NUMB: variants seen among roughly 807,000 people sequenced by gnomAD.
NUMB encodes the protein NUMB endocytic adaptor protein, also known as protein numb homolog.
A neutral mutation model predicts 59.7 loss-of-function variants in NUMB; 29 were observed. That is an observed-to-expected ratio of 0.49 (90% CI 0.36 to 0.66). The LOEUF is 0.66. Among genes scored for constraint, NUMB ranks in the 30% least tolerant of loss-of-function variants. NUMB has a pLI of 0.00. For missense variants in NUMB, 723 were observed against 822.0 expected (o/e 0.88, Z 1.47); for synonymous variants, 288 against 288.2 (o/e 1.00, Z 0.01).
At chr14:73,440,246 T>G (rs61985855) in intron 1 of NUMB, among the ~76,000 whole-genome samples, 1 of 141,892 alleles carries the variant, frequency 7.0e-6, no homozygotes, top group Non-Finnish European at 1.5e-5. Context: ...CATATATATA[T>G]ACATCCATAT....
At chr14:73,359,944 A>G (rs1407280076) in intron 3 of NUMB, among the ~76,000 whole-genome samples, 1 of 152,166 alleles carries the variant, frequency 6.6e-6, no homozygotes, top group African/African-American at 2.4e-5. Flanking sequence ...TATCCACTGC[A>G]CTTAATCTCC....
intron 4 of NUMB, among the ~76,000 whole-genome samples, chr14:73,353,105 A>G (rs1421121368): frequency 6.1e-5 from 1 of 16,472 alleles, no homozygotes; most frequent in Non-Finnish European, 1.5e-4. Flanking sequence ...TTTTTTTGAG[A>G]CAGAGTCTCA....
At chr14:73,376,875 G>C (rs767174734) in intron 2 of NUMB, among the ~76,000 whole-genome samples, 5 of 152,144 alleles carry the variant, frequency 3.3e-5, no homozygotes, top group Admixed American at 6.6e-5. Context: ...AACATGGTGA[G>C]ACTCCCATCT....
At chr14:73,372,333 A>T (rs1306421124) in intron 2 of NUMB, among the ~76,000 whole-genome samples, 1 of 95,070 alleles carries the variant, frequency 1.1e-5, no homozygotes, top group Non-Finnish European at 2.1e-5. Flanking sequence ...ATATATATAT[A>T]TATAACCTTT....
At chr14:73,351,925 G>A (rs1218846212) in intron 4 of NUMB, among the ~76,000 whole-genome samples, 1 of 151,790 alleles carries the variant, frequency 6.6e-6, no homozygotes, top group Admixed American at 6.6e-5. Flanking sequence ...GCAGTGAGCC[G>A]AGATGGCGCC....
chr14:73,323,990 C>T (rs1226835471), intron 4 of NUMB, among the ~76,000 whole-genome samples: 1 of 152,192 alleles, frequency 6.6e-6, no homozygotes, highest in Non-Finnish European at 1.5e-5. Context: ...TCCTCCTTCT[C>T]CCCTGAAGAG....
chr14:73,433,171 C>T (rs2140172307), intron 1 of NUMB, among the ~76,000 whole-genome samples: 1 of 151,166 alleles, frequency 6.6e-6, no homozygotes, highest in Admixed American at 6.6e-5. Flanking sequence ...TGCAGCAAGC[C>T]AGCACTTTGG....
intron 8 of NUMB, among the ~76,000 whole-genome samples, chr14:73,290,211 C>T (rs963322759): frequency 6.6e-6 from 1 of 152,158 alleles, no homozygotes; most frequent in African/African-American, 2.4e-5. Flanking sequence ...TTGTGGTTTA[C>T]TTAGGGTCTG....
chr14:73,312,674 A>G (rs1219996736), intron 6 of NUMB, among the ~76,000 whole-genome samples: 2 of 149,958 alleles, frequency 1.3e-5, no homozygotes, highest in Non-Finnish European at 2.9e-5. Context: ...TCATTGTGCC[A>G]CTGCACTCCA....
chr14:73,457,119 A>G (rs1279870916), intron 1 of NUMB, among the ~76,000 whole-genome samples: 1 of 152,204 alleles, frequency 6.6e-6, no homozygotes, highest in African/African-American at 2.4e-5. Flanking sequence ...GAAACTGCAC[A>G]GAAACTTAGC....
intron 1 of NUMB, among the ~76,000 whole-genome samples, chr14:73,413,154 G>A (rs891610981): frequency 6.6e-6 from 1 of 150,842 alleles, no homozygotes; most frequent in African/African-American, 2.4e-5. Context: ...GCGTGATCTC[G>A]GCTCACTGCA....
chr14:73,390,520 CAA>C (rs1479936474), intron 2 of NUMB, among the ~76,000 whole-genome samples: 9 of 151,698 alleles, frequency 5.9e-5, no homozygotes, highest in African/African-American at 2.2e-4. Context: ...TCCTCCAAAG[CAA>C]AGTCAGATGT....
At chr14:73,346,660 A>G (rs569619576) in intron 4 of NUMB, among the ~76,000 whole-genome samples, 40 of 152,250 alleles carry the variant, frequency 2.6e-4, no homozygotes, top group African/African-American at 9.1e-4. Flanking sequence ...GTAATGGCTC[A>G]TGTTTCTATA....
chr14:73,303,818 T>C (rs1594884660), intron 6 of NUMB, among the ~76,000 whole-genome samples: 2 of 152,128 alleles, frequency 1.3e-5, no homozygotes, highest in African/African-American at 2.4e-5. Flanking sequence ...CGATCTAACA[T>C]GGACAGAACT....
chr14:73,337,793 A>G (rs778367170), intron 4 of NUMB, among the ~76,000 whole-genome samples: 3 of 152,240 alleles, frequency 2.0e-5, no homozygotes, highest in Non-Finnish European at 2.9e-5. Flanking sequence ...AGGTTGCTAG[A>G]TCTAATTTCA....
chr14:73,322,471 G>T (rs1391904804), intron 5 of NUMB, among the ~76,000 whole-genome samples: 1 of 152,304 alleles, frequency 6.6e-6, no homozygotes, highest in African/African-American at 2.4e-5. Context: ...TATGTTAGAG[G>T]TGTATAGAGA....
chr14:73,385,580 T>C (rs1253797953), intron 2 of NUMB, among the ~76,000 whole-genome samples: 4 of 139,066 alleles, frequency 2.9e-5, no homozygotes, highest in African/African-American at 5.5e-5. Flanking sequence ...CAGCTCACGG[T>C]AACCTCCGCC....
chr14:73,383,934 T>C (rs892978397), intron 2 of NUMB, among the ~76,000 whole-genome samples: 21 of 151,874 alleles, frequency 1.4e-4, no homozygotes, highest in Admixed American at 7.9e-4. Flanking sequence ...GAGGAACCGC[T>C]TGAACTCAGG....
chr14:73,392,663 T>C (rs1023770650), intron 2 of NUMB, among the ~76,000 whole-genome samples: 2 of 152,362 alleles, frequency 1.3e-5, no homozygotes, highest in African/African-American at 2.4e-5. Context: ...CAGTGTCATA[T>C]ATTTATTTGG....
Sources: allele counts gnomAD v4.1 joint callset (sites outside exome capture counted in the v4.1 genomes callset), GRCh38; gene constraint gnomAD v4.1.1; transcripts MANE v1.5; gene names NCBI Gene and HGNC (gene_info 2026-07-23, HGNC 2026-07-21).